NEK3: variants seen among roughly 807,000 people sequenced by gnomAD.
The protein encoded by NEK3 is NIMA related kinase 3, also known as serine/threonine-protein kinase Nek3.
A neutral mutation model predicts 66.0 loss-of-function variants in NEK3; 54 were observed. The observed-to-expected ratio is 0.82, with a 90% CI of 0.66 to 1.03. The LOEUF is 1.03. Ranked by LOEUF, NEK3 falls within the 50% of genes least tolerant of loss-of-function variation. NEK3 has a pLI of 0.00. For synonymous variants in NEK3, 200 were observed against 206.2 expected (o/e 0.97, Z 0.26); for missense variants, 593 against 603.0 (o/e 0.98, Z 0.17).
In NEK3 at chr13:52,154,178, A is replaced by G. The variant is rs759285177; in HGVS notation, c.118-5T>C. 9.2e-5 allele frequency: 143 copies of G among 1,562,544 alleles called. No homozygotes were observed. In the Middle Eastern group the frequency reaches 1.4e-3, roughly 16 times the overall value. On this transcript the variant is annotated splice_polypyrimidine_tract_variant and splice_region_variant and intron_variant, in intron 2 of 15. Transcript: ENST00000610828. Reference sequence around the variant, plus strand: ...ATTCTGTGTATTAGAGAAAGACTAGAAAAACATTTTAAATAAGCATAAACT... The same window carrying G: ...ATTCTGTGTATTAGAGAAAGACTAGGAAAACATTTTAAATAAGCATAAACT...
chr13:52,159,804 T>C (rs1362487176), upstream of NEK3: 3 of 152,232 alleles, frequency 2.0e-5, no homozygotes, highest in South Asian at 6.2e-4. Flanking sequence ...TGAAAGCCTA[T>C]GTAGATAAAT....
chr13:52,148,344 G>C, intron 8 of NEK3, 71 bp downstream of exon 8: 5 of 1,438,488 alleles, frequency 3.5e-6, no homozygotes, highest in South Asian at 1.2e-5. Flanking sequence ...CTGCCAACTA[G>C]AATCTGTCAC....
chr13:52,135,886 T>C (rs754297682), intron 13 of NEK3, 23 bp from the exon 14 acceptor site: 3 of 1,600,728 alleles, frequency 1.9e-6, no homozygotes, highest in Non-Finnish European at 2.6e-6. Context: ...AGACAAAAAT[T>C]AGTGCTGAAT....
At chr13:52,155,985 G>C in intron 2 of NEK3, 90 bp downstream of exon 2, 1 of 736,178 alleles carries the variant, frequency 1.4e-6, no homozygotes, top group Middle Eastern at 4.2e-4. Context: ...TGGGATTACA[G>C]GTGTGAGCCA....
At chr13:52,151,042 G>C (rs1956341192) in intron 7 of NEK3, 104 bp downstream of exon 7, 1 of 808,922 alleles carries the variant, frequency 1.2e-6, no homozygotes, top group African/African-American at 1.7e-5. Flanking sequence ...AAACCAATAT[G>C]ATCCATGCAT....
At chr13:52,138,684 C>T (rs770088404) in intron 11 of NEK3, among the ~76,000 whole-genome samples, 1 of 152,160 alleles carries the variant, frequency 6.6e-6, no homozygotes, top group Non-Finnish European at 1.5e-5. Flanking sequence ...AATCCCAGCA[C>T]TTTAGGAGGC....
At position 52,133,813 on chromosome 13, in the gene NEK3, A is replaced by AAC. The variant is rs762647073; in HGVS notation, c.1310_1311dup (p.Ser438ValfsTer6). ...AGGGGGCCTTTCAAGAACCCTTCTG[A>AAC]ACCTTCAGGAGATATTAACAGAAAA... On this transcript the variant is annotated frameshift_variant and splice_region_variant, in exon 15 of 16. Transcript: ENST00000610828. LOFTEE classifies it high-confidence loss of function. The AAC allele has an allele frequency of 1.3e-6, 2 of 1,597,644 alleles. No individual in the cohort carries two copies. The highest frequency in any genetic ancestry group is 1.7e-6 in the Non-Finnish European group (2 of 1,171,344).
intron 2 of NEK3, 129 bp from the exon 3 acceptor site, chr13:52,154,302 G>T: frequency 5.4e-6 from 3 of 557,156 alleles, no homozygotes; most frequent in South Asian, 3.1e-5. Context: ...CTCAACTTAA[G>T]TTTGTCAAAT....
In NEK3 at chr13:52,151,390, AT is replaced by A. The variant is rs1281591403; in HGVS notation, c.395del (p.Asn132IlefsTer10). 6.3e-7 allele frequency: 1 copy of A among 1,580,364 alleles called. No homozygotes were observed. The highest frequency in any genetic ancestry group is 1.3e-5 in the African/African-American group (1 of 74,352). On this transcript the variant is annotated frameshift_variant and splice_region_variant, in exon 6 of 16. Coordinates refer to ENST00000610828, the MANE Select transcript of NEK3 (RefSeq NM_002498.3). LOFTEE classifies it high-confidence loss of function. The part of the protein sequence containing the change: ...RVLHRDIKSK[N>X]IFLTQNGKVK... ...CTTTTCCATTCTGAGTGAGGAAGAT[AT>A]TCTGCATTTAAAAAGAAAAGCTCAG...
chr13:52,138,288 T>C (rs1466712725), intron 11 of NEK3, among the ~76,000 whole-genome samples: 3 of 152,208 alleles, frequency 2.0e-5, no homozygotes, highest in Admixed American at 6.5e-5. Flanking sequence ...TCCCAGAGTG[T>C]TGGTATTACA....
rs767605401 is a variant in NEK3, at chr13:52,135,859, AC to A, written c.1178del (p.Gly393ValfsTer3). On this transcript the variant is annotated frameshift_variant, in exon 14 of 16. Transcript: ENST00000610828. LOFTEE classifies it high-confidence loss of function. ...TATTTTTGCTGTACTTTATTACAGA[AC>A]CACCTAGTTGCAAAAAGACAAAAAT... ...SSLTAEDDRG[G>X]SVIKYSKNTT... 6.2e-7 allele frequency: 1 copy of A among 1,610,190 alleles called. No homozygotes were observed. Among genetic ancestry groups the A allele is most frequent in the Non-Finnish European group, 8.5e-7 (1 of 1,178,990 alleles).
chr13:52,144,280 G>C (rs1039331654), intron 9 of NEK3, among the ~76,000 whole-genome samples: 3 of 152,198 alleles, frequency 2.0e-5, no homozygotes, highest in Non-Finnish European at 4.4e-5. Context: ...GCTGGACGTG[G>C]TGGCGTGTGC....
At chr13:52,133,565 T>C (rs1956173404) in intron 15 of NEK3, 124 bp downstream of exon 15, 4 of 1,263,620 alleles carry the variant, frequency 3.2e-6, no homozygotes, top group African/African-American at 1.5e-5. Flanking sequence ...TGATGAAAAG[T>C]AATATAAGAG....
chr13:52,136,732 C>CAGA, intron 12 of NEK3, 68 bp downstream of exon 12: 1 of 885,646 alleles, frequency 1.1e-6, no homozygotes, highest in Non-Finnish European at 1.7e-6. Context: ...TATCTGAGAC[C>CAGA]TAGTAACATA....
chr13:52,147,073 T>G (rs1394187336), intron 8 of NEK3, among the ~76,000 whole-genome samples: 1 of 152,200 alleles, frequency 6.6e-6, no homozygotes, highest in Admixed American at 6.5e-5. Flanking sequence ...TTGTTCATAT[T>G]TTTAAAAATA....
At chr13:52,152,086 C>T (rs1329947682) in intron 5 of NEK3, among the ~76,000 whole-genome samples, 2 of 152,150 alleles carry the variant, frequency 1.3e-5, no homozygotes, top group Non-Finnish European at 2.9e-5. Flanking sequence ...TGTCGTTAAG[C>T]GATGCATGAC....
At position 52,157,731 on chromosome 13, in the gene NEK3, C is replaced by T. The variant is rs139374663; in HGVS notation, c.-57-1483G>A. ...AGCACATAAGAGAAAATGGATAAAA[C>T]GTTCCTAACACTTTGCCTGGTACAT... On this transcript the variant is annotated intron_variant, in intron 1 of 15. Transcript: ENST00000610828. Among the ~76,000 whole-genome samples the T allele has an allele frequency of 2.9e-3, 445 of 152,294 alleles. 3 individuals carry two copies. The highest frequency in any genetic ancestry group is 4.8e-3 in the Admixed American group (74 of 15,292).
At chr13:52,155,967 CA>C in intron 2 of NEK3, 107 bp downstream of exon 2, 1 of 620,112 alleles carries the variant, frequency 1.6e-6, no homozygotes, top group East Asian at 3.3e-5. Context: ...CTCCACCTCC[CA>C]AAGTGCTGGG....
At chr13:52,140,971 C>T (rs140794980) in intron 11 of NEK3, 49 bp downstream of exon 11, 137 of 1,468,084 alleles carry the variant, frequency 9.3e-5, no homozygotes, top group East Asian at 5.7e-4. Context: ...TGCACCACCA[C>T]GCCCGGCCAC....
Sources: allele counts gnomAD v4.1 joint callset (sites outside exome capture counted in the v4.1 genomes callset), GRCh38; gene constraint gnomAD v4.1.1; transcripts MANE v1.5; gene names NCBI Gene and HGNC (gene_info 2026-07-23, HGNC 2026-07-21).